NCR3LG1: variants seen among roughly 807,000 people sequenced by gnomAD.
NCR3LG1 encodes the protein natural cytotoxicity triggering receptor 3 ligand 1.
Under a neutral mutation model 34.8 loss-of-function variants are expected in NCR3LG1, and 35 were observed. That is an observed-to-expected ratio of 1.01 (90% CI 0.77 to 1.33). The LOEUF (loss-of-function observed/expected upper bound fraction) is 1.33, where lower values mean the gene tolerates loss of function less well. NCR3LG1 is among the 40% of genes most tolerant of loss of function. NCR3LG1 has a pLI of 0.00. For missense variants in NCR3LG1, 452 were observed against 423.3 expected (o/e 1.07, Z -0.60); for synonymous variants, 173 against 163.6 (o/e 1.06, Z -0.44).
chr11:17,365,113 A>AT (rs1176622944), intron 2 of NCR3LG1, among the ~76,000 whole-genome samples: 3 of 152,040 alleles, frequency 2.0e-5, no homozygotes, highest in Non-Finnish European at 4.4e-5. Flanking sequence ...GTTTTTATGT[A>AT]TTTTTTAGCC....
intron 4 of NCR3LG1, among the ~76,000 whole-genome samples, chr11:17,369,819 T>C (rs1246198913): frequency 1.3e-5 from 2 of 152,238 alleles, no homozygotes; most frequent in Non-Finnish European, 2.9e-5. Flanking sequence ...TGCCTTTCTC[T>C]GGTTCTGATA....
chr11:17,379,134 A>C (rs928197387), downstream of NCR3LG1, among the ~76,000 whole-genome samples: 2 of 152,038 alleles, frequency 1.3e-5, no homozygotes, highest in Admixed American at 6.6e-5. Context: ...TTCACTTTTT[A>C]AATTTTTGCT....
At chr11:17,358,854 C>T (rs1160548283) in intron 2 of NCR3LG1, among the ~76,000 whole-genome samples, 6 of 152,300 alleles carry the variant, frequency 3.9e-5, no homozygotes, top group Admixed American at 1.3e-4. Context: ...GCTTTGGCCA[C>T]GGGGAGCTCA....
chr11:17,356,260 C>T (rs973191812), intron 1 of NCR3LG1, among the ~76,000 whole-genome samples: 1 of 151,346 alleles, frequency 6.6e-6, no homozygotes, highest in Non-Finnish European at 1.5e-5. Context: ...GCCTTAGCCT[C>T]CCGAGTAGCT....
rs541130536 is a variant in NCR3LG1, at chr11:17,373,717, C to G, written c.*1205C>G. 6.7e-6 allele frequency: 1 copy of G among 148,550 alleles called. No individual in the cohort carries two copies. Among genetic ancestry groups the G allele is most frequent in the East Asian group, 1.9e-4 (1 of 5,160 alleles). 9.2% of individuals were successfully genotyped at this position (148,550 alleles called of 1,614,324 possible). ...AAAGACTTTAACTTGATATTTTTCTCAACCTATTAGTTGCAGTCAGAGGGA... is the reference window on the plus strand; with the variant it reads ...AAAGACTTTAACTTGATATTTTTCTGAACCTATTAGTTGCAGTCAGAGGGA... On this transcript the variant is annotated 3_prime_UTR_variant, in exon 5 of 5. Transcript: ENST00000338965.
At chr11:17,363,726 A>C (rs1395417089) in intron 2 of NCR3LG1, among the ~76,000 whole-genome samples, 2 of 151,876 alleles carry the variant, frequency 1.3e-5, no homozygotes, top group African/African-American at 4.8e-5. Flanking sequence ...CCTTCCAAGT[A>C]GCTGGGGCCA....
rs895832887 is a variant in NCR3LG1, at chr11:17,375,689, A to G, written c.*3177A>G. On this transcript the variant is annotated 3_prime_UTR_variant, in exon 5 of 5. Transcript: ENST00000338965. The stretch of plus-strand genomic sequence containing the variant: ...CTCCCATGAGAATTAGTGGTCAGAC[A>G]TTGCAGAGGGCATCAGAAGCGGGTA... 6.6e-6 allele frequency: 1 copy of G among 152,228 alleles called. No individual in the cohort carries two copies. Among genetic ancestry groups the G allele is most frequent in the African/African-American group, 2.4e-5 (1 of 41,448 alleles). 9.4% of individuals were successfully genotyped at this position (152,228 alleles called of 1,614,324 possible). A position where few individuals can be genotyped will look rare whatever the true frequency, so the allele number is the denominator to read the frequency against.
chr11:17,367,101 G>A lies in NCR3LG1; in HGVS notation c.514G>A (p.Ala172Thr). 1 of 1,536,284 alleles carries A rather than the reference G, an allele frequency of 6.5e-7. No homozygotes were observed. Residue 172 changes from alanine (A) to threonine (T), a missense_variant, in exon 3 of 5, where the codon GCT (alanine) becomes ACT (threonine). By Grantham distance (58) the Ala-to-Thr change is moderately conservative. Transcript: ENST00000338965. ...MCESSGFYPE[A>T]INITWEKQTQ... The stretch of plus-strand genomic sequence containing the variant: ...TGAGTCAAGTGGGTTCTACCCAGAG[G>A]CTATTAATATAACATGGGAGAAGCA...
At chr11:17,360,583 G>A (rs915921687) in intron 2 of NCR3LG1, among the ~76,000 whole-genome samples, 5 of 150,600 alleles carry the variant, frequency 3.3e-5, no homozygotes, top group African/African-American at 1.2e-4. Flanking sequence ...TAAGGTTTGT[G>A]TCTATATTCT....
Position 17,367,349 on chromosome 11 carries a change from T to C in NCR3LG1, c.760+2T>C. ...CTGCTGCTCGGCACAGTCTTTCTGG[T>C]AAGGGTCTTTCTGGACATTTCTTCT... On this transcript the variant is annotated splice_donor_variant, in intron 3 of 4. Transcript: ENST00000338965. LOFTEE classifies it high-confidence loss of function. 1 of 1,529,142 alleles carries C rather than the reference T, an allele frequency of 6.5e-7. No homozygotes were observed. Among genetic ancestry groups the C allele is most frequent in the Non-Finnish European group, 8.8e-7 (1 of 1,142,386 alleles). 94.7% of individuals were successfully genotyped at this position (1,529,142 alleles called of 1,614,324 possible). A position where few individuals can be genotyped will look rare whatever the true frequency, so the allele number is the denominator to read the frequency against.
At chr11:17,364,977 T>A (rs563426568) in intron 2 of NCR3LG1, among the ~76,000 whole-genome samples, 2 of 152,360 alleles carry the variant, frequency 1.3e-5, no homozygotes, top group South Asian at 4.1e-4. Context: ...ATTATCCATC[T>A]GTTTGTGCAT....
At chr11:17,357,520 C>T (rs554252503) in intron 2 of NCR3LG1, among the ~76,000 whole-genome samples, 42 of 152,220 alleles carry the variant, frequency 2.8e-4, no homozygotes, top group African/African-American at 9.6e-4. Context: ...CCAGCATGGG[C>T]CCTCCATAAT....
At chr11:17,359,527 T>G (rs1430048790) in intron 2 of NCR3LG1, among the ~76,000 whole-genome samples, 2 of 151,970 alleles carry the variant, frequency 1.3e-5, no homozygotes, top group Non-Finnish European at 2.9e-5. Context: ...TGAGATTTTT[T>G]TTTTGAGACA....
At position 17,368,796 on chromosome 11, in the gene NCR3LG1, G is replaced by A. The variant is rs564198664; in HGVS notation, c.761-71G>A. On this transcript the variant is annotated intron_variant, in intron 3 of 4. Transcript: ENST00000338965. ...GGATGACACAACCACACAGTTCCCA[G>A]CAGCAGTTGTGTGGTTTCTCTGGCC... 4.0e-6 allele frequency: 4 copies of A among 994,444 alleles called. 1 individual carries two copies. Among genetic ancestry groups the A allele is most frequent in the African/African-American group, 3.2e-5 (2 of 61,738 alleles). 61.6% of individuals were successfully genotyped at this position (994,444 alleles called of 1,614,324 possible).
intron 1 of NCR3LG1, among the ~76,000 whole-genome samples, chr11:17,353,908 C>T (rs1457847407): frequency 6.6e-6 from 1 of 152,184 alleles, no homozygotes; most frequent in Non-Finnish European, 1.5e-5. Flanking sequence ...CAAGAAATTC[C>T]TACACCTTAG....
At position 17,366,513 on chromosome 11, in the gene NCR3LG1, T is replaced by C. The variant is rs1489252079; in HGVS notation, c.422-496T>C. On this transcript the variant is annotated intron_variant, in intron 2 of 4. Coordinates refer to ENST00000338965, the MANE Select transcript of NCR3LG1 (RefSeq NM_001202439.3). The stretch of plus-strand genomic sequence containing the variant: ...CATGGCCAGCTAAAAATGCACAGAA[T>C]GGAAATTGAAGAGCAATTAGCAGTC... Among the ~76,000 whole-genome samples, 6 of 152,246 alleles carry C rather than the reference T, an allele frequency of 3.9e-5. No homozygotes were observed. The East Asian group carries it at 1.2e-3, about 29-fold the overall frequency.
rs975790874 is a variant in NCR3LG1 at position 17,351,883 on chromosome 11, G to A, written c.-87G>A. ...GGCTGTGTCTCCGTCAACTCTTTAC[G>A]CAACAGAGGTCTCCCCCTGCCCTTG... On this transcript the variant is annotated 5_prime_UTR_variant, in exon 1 of 5. Transcript: ENST00000338965. 9.6e-7 allele frequency: 1 copy of A among 1,036,884 alleles called. No homozygotes were observed. Among genetic ancestry groups the A allele is most frequent in the Non-Finnish European group, 1.4e-6 (1 of 700,538 alleles). 64.2% of individuals were successfully genotyped at this position (1,036,884 alleles called of 1,614,324 possible).
At chr11:17,362,742 TTCTTTCTTTCTTTC>T (rs1953290959) in intron 2 of NCR3LG1, among the ~76,000 whole-genome samples, 1 of 118,460 alleles carries the variant, frequency 8.4e-6, no homozygotes, top group African/African-American at 4.8e-5. Flanking sequence ...CTTTCTTTCT[TTCTTTCTTTCTTTC>T]TTTCTTTCTT....
intron 2 of NCR3LG1, among the ~76,000 whole-genome samples, chr11:17,365,685 G>T (rs1332227458): frequency 6.6e-6 from 1 of 152,152 alleles, no homozygotes; most frequent in Non-Finnish European, 1.5e-5. Flanking sequence ...GCTCTTTACT[G>T]TGAGAATCTG....
Sources: gnomAD v4.1 joint callset for allele counts (sites outside exome capture counted in the v4.1 genomes callset) on GRCh38, gnomAD v4.1.1 for gene constraint, MANE v1.5 for transcripts, NCBI Gene and HGNC (gene_info 2026-07-23, HGNC 2026-07-21) for gene names.